The following SIGLEC15 variants were observed in gnomAD, a reference collection of about 807,000 sequenced individuals.
SIGLEC15 encodes the protein sialic acid-binding Ig-like lectin 15.
SIGLEC15 carries 31 observed loss-of-function variants against 26.2 expected under a neutral mutation model. The ratio of observed to expected loss-of-function variants is 1.18; its 90% confidence interval spans 0.89 to 1.60. The LOEUF is 1.60. Among genes scored for constraint, SIGLEC15 ranks in the 40% most tolerant of loss-of-function variants. The pLI is 0.00. For synonymous variants in SIGLEC15, 207 were observed against 221.9 expected (o/e 0.93, Z 0.60); for missense variants, 501 against 488.4 (o/e 1.03, Z -0.24).
chr18:45,831,590 G>A (rs1164647006), intron 1 of SIGLEC15, among the ~76,000 whole-genome samples: 2 of 152,166 alleles, frequency 1.3e-5, no homozygotes, highest in Non-Finnish European at 2.9e-5. Flanking sequence ...CTAGCACATG[G>A]TAAACTCTCA....
chr18:45,841,875 C>T lies in SIGLEC15; in HGVS notation c.906-231C>T, dbSNP rs1163362175. Among the ~76,000 whole-genome samples the T allele has an allele frequency of 2.0e-5, 3 of 152,244 alleles. No homozygotes were observed. In the South Asian group the frequency reaches 6.2e-4, roughly 32 times the overall value. ...CAGGGACATGGAGCCAGTCTTGAGG[C>T]CTCAGACAGAGATAGCAACTCTATG... On this transcript the variant is annotated intron_variant, in intron 5 of 5. Coordinates refer to ENST00000389474, the MANE Select transcript of SIGLEC15 (RefSeq NM_213602.3).
At chr18:45,826,876 C>T (rs996616323) in intron 1 of SIGLEC15, among the ~76,000 whole-genome samples, 2 of 152,190 alleles carry the variant, frequency 1.3e-5, no homozygotes, top group Non-Finnish European at 2.9e-5. Flanking sequence ...TAGTAACTCA[C>T]ATAAGGCTGA....
At chr18:45,831,278 T>C (rs565179594) in intron 1 of SIGLEC15, among the ~76,000 whole-genome samples, 3 of 152,234 alleles carry the variant, frequency 2.0e-5, no homozygotes, top group Admixed American at 1.3e-4. Context: ...AAATAGTCTC[T>C]TTGACACTGT....
In SIGLEC15 at chr18:45,825,914, G is replaced by A. The variant is rs1329892634; in HGVS notation, c.52+134G>A. ...AGGCCTGTGGAGGAGGAAGAGCTGC[G>A]CTTGGGGCCTGTGGTGCCAGAAGCC... On this transcript the variant is annotated intron_variant, in intron 1 of 5. Transcript: ENST00000389474. The A allele has an allele frequency of 1.6e-5, 17 of 1,038,432 alleles. No homozygotes were observed. In the East Asian group the frequency reaches 2.1e-4, roughly 13 times the overall value. The allele number at this position is 1,038,432 out of a possible 1,614,324, so 64.3% of individuals were successfully genotyped here. A position where few individuals can be genotyped will look rare whatever the true frequency, so the allele number is the denominator to read the frequency against.
chr18:45,831,132 C>T (rs906500845), intron 1 of SIGLEC15, among the ~76,000 whole-genome samples: 4 of 152,192 alleles, frequency 2.6e-5, no homozygotes, highest in South Asian at 2.1e-4. Flanking sequence ...CTCTGAGGGG[C>T]ATGCCACCAA....
At position 45,839,006 on chromosome 18, in the gene SIGLEC15, C is replaced by A. The variant is rs774297231; in HGVS notation, c.785C>A (p.Ser262Ter). The A allele has an allele frequency of 6.3e-6, 10 of 1,592,778 alleles. No homozygotes were observed. In the South Asian group the frequency reaches 1.1e-4, roughly 18 times the overall value. The change falls in exon 4 of 6, where the codon TCG becomes TAG. Residue 262 changes from serine to a stop codon, truncating the protein, a stop_gained. Transcript: ENST00000389474. LOFTEE classifies it high-confidence loss of function. ...CGCTTCCATGGCGCCAGCGGGGCCT[C>A]GACGGTCGCCCTCCTGCTCGGCGCT... The part of the protein sequence containing the change: ...LFRFHGASGA[S>*]TVALLLGALG...
In SIGLEC15 at chr18:45,838,856, G is replaced by A. The variant is rs746555564; in HGVS notation, c.635G>A (p.Arg212Gln). Residue 212 changes from arginine to glutamine, a missense_variant, in exon 4 of 6, where the codon CGG becomes CAG. Arg to Gln is a conservative substitution (Grantham distance 43, BLOSUM62 1). Transcript: ENST00000389474. ...PALGNSLAAV[R>Q]SPREGHGHLV... The stretch of plus-strand genomic sequence containing the variant: ...CTGGGCAACAGCTTGGCAGCCGTGC[G>A]GAGCCCGCGTGAGGGTCACGGCCAC... 1 of 1,578,204 alleles carries A rather than the reference G, an allele frequency of 6.3e-7. No individual in the cohort carries two copies. The highest frequency in any genetic ancestry group is 1.1e-5 in the South Asian group (1 of 87,734).
chr18:45,842,147 T>C lies in SIGLEC15; in HGVS notation c.947T>C (p.Met316Thr). Residue 316 changes from methionine (M) to threonine (T), a missense_variant, in exon 6 of 6, where the codon ATG becomes ACG. Transcript: ENST00000389474. ...QESNYENLSQMNPRSPPATMC... is the reference protein window; with the variant it reads ...QESNYENLSQTNPRSPPATMC... ...TCCAATTATGAAAATTTGAGCCAGATGAACCCCCGGAGCCCACCAGCCACC... is the reference window on the plus strand; with the variant it reads ...TCCAATTATGAAAATTTGAGCCAGACGAACCCCCGGAGCCCACCAGCCACC... The C allele has an allele frequency of 6.2e-7, 1 of 1,614,196 alleles. No individual in the cohort carries two copies. The highest frequency in any genetic ancestry group is 8.5e-7 in the Non-Finnish European group (1 of 1,180,026).
chr18:45,837,217 G>T (rs1489673752), intron 2 of SIGLEC15, 129 bp downstream of exon 2: 10 of 1,421,936 alleles, frequency 7.0e-6, no homozygotes, highest in Non-Finnish European at 6.5e-6. Context: ...GGGGTCAAGG[G>T]GCCTGCAGGT....
intron 1 of SIGLEC15, among the ~76,000 whole-genome samples, chr18:45,828,015 A>C (rs1599385920): frequency 1.3e-5 from 2 of 152,204 alleles, no homozygotes; most frequent in East Asian, 3.9e-4. Context: ...CTTCACAGTT[A>C]GAACCAGGGT....
At position 45,838,780 on chromosome 18, in the gene SIGLEC15, T is replaced by G; in HGVS notation, c.559T>G (p.Cys187Gly). Residue 187 changes from cysteine (C) to glycine (G), a missense_variant, in exon 4 of 6, where the codon TGC becomes GGC. Cys to Gly is a radical substitution (Grantham distance 159, BLOSUM62 -3). Transcript: ENST00000389474. ...TCCGGCTCACGCCTTCCGCGCGCTC[T>G]GCACTGCCGAAGGGGAGCCGCCGCC... is the stretch of plus-strand genomic sequence containing the variant. Reference protein sequence around the residue: ...PSPAHAFRALCTAEGEPPPAL... With the variant: ...PSPAHAFRALGTAEGEPPPAL... The G allele has an allele frequency of 6.4e-7, 1 of 1,569,762 alleles. No individual in the cohort carries two copies.
chr18:45,838,400 T>C (rs111569063), intron 3 of SIGLEC15: 4 of 462,120 alleles, frequency 8.7e-6, no homozygotes, highest in African/African-American at 6.3e-5. Context: ...CCCACCCTGC[T>C]CTGCGACAAT....
chr18:45,827,736 A>T (rs1448058588), intron 1 of SIGLEC15, among the ~76,000 whole-genome samples: 1 of 152,118 alleles, frequency 6.6e-6, no homozygotes, highest in Non-Finnish European at 1.5e-5. Context: ...TGGCCATGAA[A>T]CCTTGCCAAA....
chr18:45,838,907 T>C lies in SIGLEC15; in HGVS notation c.686T>C (p.Leu229Pro). Residue 229 changes from leucine (L) to proline (P), a missense_variant, in exon 4 of 6, where the codon CTG becomes CCG. Physicochemically the swap from Leu to Pro is moderately conservative, Grantham distance 98. Coordinates refer to ENST00000389474, the MANE Select transcript of SIGLEC15 (RefSeq NM_213602.3). ...GHLVTAELPA[L>P]THDGRYTCTA... ...CTAGTGACCGCCGAACTGCCCGCAC[T>C]GACCCATGACGGCCGCTACACGTGT... is the stretch of plus-strand genomic sequence containing the variant. 1 of 1,601,726 alleles carries C rather than the reference T, an allele frequency of 6.2e-7. No homozygotes were observed. Among genetic ancestry groups the C allele is most frequent in the South Asian group, 1.1e-5 (1 of 89,880 alleles).
At chr18:45,832,445 G>C (rs1339970186) in intron 1 of SIGLEC15, among the ~76,000 whole-genome samples, 1 of 150,346 alleles carries the variant, frequency 6.7e-6, no homozygotes, top group Non-Finnish European at 1.5e-5. Flanking sequence ...TATATAACTT[G>C]CCCAAAGATC....
intron 1 of SIGLEC15, among the ~76,000 whole-genome samples, chr18:45,826,722 G>A (rs1023861757): frequency 1.3e-5 from 2 of 152,114 alleles, no homozygotes; most frequent in Non-Finnish European, 2.9e-5. Flanking sequence ...TGGGGTCCTG[G>A]CTCCATAACT....
At position 45,837,681 on chromosome 18, in the gene SIGLEC15, G is replaced by C. The variant is rs969407216; in HGVS notation, c.281G>C (p.Arg94Pro). The C allele has an allele frequency of 2.0e-6, 3 of 1,481,782 alleles. No homozygotes were observed. The highest frequency in any genetic ancestry group is 2.7e-6 in the Non-Finnish European group (3 of 1,125,554). 91.8% of individuals were successfully genotyped at this position (1,481,782 alleles called of 1,614,324 possible). A position where few individuals can be genotyped will look rare whatever the true frequency, so the allele number is the denominator to read the frequency against. ...CCCTATGCGGGCCCGCAGGTGTTCC[G>C]CTGCGCTGCGGCGCGGGGCAGCGAG... ...GEPYAGPQVF[R>P]CAAARGSELC... Residue 94 changes from arginine (R) to proline (P), a missense_variant, in exon 3 of 6, where the codon CGC becomes CCC. Arg to Pro is a moderately radical substitution (Grantham distance 103, BLOSUM62 -2). Transcript: ENST00000389474.
chr18:45,838,719 C>T lies in SIGLEC15; in HGVS notation c.498C>T (p.Ala166=). 1.3e-6 allele frequency: 2 copies of T among 1,572,744 alleles called. No individual in the cohort carries two copies. Among genetic ancestry groups the T allele is most frequent in the Admixed American group, 3.5e-5 (2 of 57,286 alleles). ...AGTCACCCGCCTTCTCCCCTGCAGC[C>T]GCGCCGCGGATCGTCAACATCTCGG... The part of the protein sequence containing the change: ...SRHGVRLHVT[A]APRIVNISVL... The change falls in exon 4 of 6, where the codon GCC becomes GCT. Residue 166 remains alanine (A), a splice_region_variant and synonymous_variant. Transcript: ENST00000389474.
At position 45,830,583 on chromosome 18, in the gene SIGLEC15, C is replaced by CTTTTTTTTTT. The variant is rs56404391; in HGVS notation, c.52+4814_52+4823dup. 3.8e-3 allele frequency among the ~76,000 whole-genome samples: 368 copies of CTTTTTTTTTT among 96,736 alleles called. 16 individuals are homozygous for CTTTTTTTTTT. Among genetic ancestry groups the CTTTTTTTTTT allele is most frequent in the Middle Eastern group, 7.0e-3 (1 of 142 alleles). The allele number at this position is 96,736 out of a possible 152,430, so 63.5% of individuals were successfully genotyped here. A position where few individuals can be genotyped will look rare whatever the true frequency, so the allele number is the denominator to read the frequency against. Reference sequence around the variant, plus strand: ...TTATTTTAGCTAGATATTTTTCTTTCTTTTTTTTTTTTTTTTTTTTGAGAC... The same window carrying CTTTTTTTTTT: ...TTATTTTAGCTAGATATTTTTCTTTCTTTTTTTTTTTTTTTTTTTTTTTTTTTTTTGAGAC... On this transcript the variant is annotated intron_variant, in intron 1 of 5. Coordinates refer to ENST00000389474, the MANE Select transcript of SIGLEC15 (RefSeq NM_213602.3).
Sources: gnomAD v4.1 joint callset for allele counts (sites outside exome capture counted in the v4.1 genomes callset) on GRCh38, gnomAD v4.1.1 for gene constraint, MANE v1.5 for transcripts, NCBI Gene and HGNC (gene_info 2026-07-23, HGNC 2026-07-21) for gene names.